RAP1GAP2: variants seen among roughly 807,000 people sequenced by gnomAD.
The protein encoded by RAP1GAP2 is rap1 GTPase-activating protein 2.
RAP1GAP2 carries 27 observed loss-of-function variants against 95.0 expected under a neutral mutation model. The observed-to-expected ratio is 0.28, with a 90% confidence interval of 0.21 to 0.39. RAP1GAP2 has a LOEUF of 0.39. Among genes scored for constraint, RAP1GAP2 ranks in the 10% least tolerant of loss-of-function variants. RAP1GAP2 has a pLI of 1.00. For synonymous variants in RAP1GAP2, 373 were observed against 380.9 expected (o/e 0.98, Z 0.24); for missense variants, 771 against 970.0 (o/e 0.79, Z 2.72).
At chr17:3,002,333 G>A (rs572579540) in intron 14 of RAP1GAP2, among the ~76,000 whole-genome samples, 22 of 152,174 alleles carry the variant, frequency 1.4e-4, no homozygotes, top group Non-Finnish European at 2.8e-4. Context: ...AGGGGGGCAG[G>A]GCTTCCCGGA....
upstream of RAP1GAP2, among the ~76,000 whole-genome samples, chr17:2,791,608 A>G (rs985563346): frequency 6.6e-6 from 1 of 152,116 alleles, no homozygotes; most frequent in Non-Finnish European, 1.5e-5. Flanking sequence ...CAGTGTTCCT[A>G]TCTGTAAAAT....
intron 1 of RAP1GAP2, among the ~76,000 whole-genome samples, chr17:2,787,109 C>T (rs1463109117): frequency 6.6e-6 from 1 of 151,906 alleles, no homozygotes; most frequent in Non-Finnish European, 1.5e-5. Flanking sequence ...TGCCACCATA[C>T]CTGGCTAGTT....
At chr17:2,885,778 C>G (rs117038191) in intron 2 of RAP1GAP2, among the ~76,000 whole-genome samples, 186 of 152,314 alleles carry the variant, frequency 1.2e-3, no homozygotes, top group Non-Finnish European at 2.0e-3. Context: ...TGAAGAGGGC[C>G]CCTTAATTCT....
intron 2 of RAP1GAP2, among the ~76,000 whole-genome samples, chr17:2,837,796 C>T (rs1027164795): frequency 5.3e-5 from 8 of 151,214 alleles, no homozygotes; most frequent in Non-Finnish European, 8.8e-5. Context: ...TTAGCTGAGA[C>T]GGGGTTTCGC....
rs138061699 is a variant in RAP1GAP2, at chr17:3,012,789, C to T, written c.1494+4644C>T. ...GGGAGTCTTGCGAGAACAGCTTTCA[C>T]GATGAAAGAGCTGTACGTTATGTTT... On this transcript the variant is annotated intron_variant, in intron 17 of 24. Transcript: ENST00000254695. Among the ~76,000 whole-genome samples the T allele has an allele frequency of 4.4e-4, 67 of 152,092 alleles. 2 individuals are homozygous for T. In the East Asian group the frequency reaches 0.012, roughly 27 times the overall value.
upstream of RAP1GAP2, among the ~76,000 whole-genome samples, chr17:2,773,740 T>C (rs2068441155): frequency 7.8e-6 from 1 of 128,120 alleles, no homozygotes; most frequent in African/African-American, 2.8e-5. Flanking sequence ...TATTTATTTA[T>C]TTATTTATTT....
chr17:2,768,132 CAGCA>C (rs1158025602), intron 1 of RAP1GAP2, among the ~76,000 whole-genome samples: 1 of 152,154 alleles, frequency 6.6e-6, no homozygotes, highest in Admixed American at 6.6e-5. Context: ...GACAATCCCA[CAGCA>C]AGCATTGTCC....
At position 2,765,196 on chromosome 17, in the gene RAP1GAP2, G is replaced by A. The variant is rs535515873; in HGVS notation, c.51-5133G>A. ...CTCAAAGCTGTCCTCATCCAGTACA[G>A]ATGGCTCCGCAGCCAGCCACCTGCA... On this transcript the variant is annotated intron_variant, in intron 1 of 25. Coordinates refer to the RAP1GAP2 transcript ENST00000637138. Among the ~76,000 whole-genome samples the A allele has an allele frequency of 1.9e-4, 29 of 152,282 alleles. No homozygotes were observed. In the South Asian group the frequency reaches 5.6e-3, roughly 29 times the overall value.
intron 1 of RAP1GAP2, among the ~76,000 whole-genome samples, chr17:2,798,536 G>A (rs1397809589): frequency 2.6e-5 from 4 of 152,020 alleles, no homozygotes; most frequent in African/African-American, 9.7e-5. Flanking sequence ...CGGATTCCTG[G>A]AGCCCTGGTC....
intron 3 of RAP1GAP2, among the ~76,000 whole-genome samples, chr17:2,921,363 G>A (rs928008569): frequency 1.3e-5 from 2 of 151,908 alleles, no homozygotes; most frequent in African/African-American, 2.4e-5. Context: ...CACCACACCC[G>A]GCTAACTTTT....
At position 3,005,318 on chromosome 17, in the gene RAP1GAP2, C is replaced by T; in HGVS notation, c.1201-51C>T. Reference sequence around the variant, plus strand: ...GTAAGGAGCGTGGCTCCCGTAGGGGCAGCGCTCGTCTCTTCCCTCCAGGTC... The same window carrying T: ...GTAAGGAGCGTGGCTCCCGTAGGGGTAGCGCTCGTCTCTTCCCTCCAGGTC... On this transcript the variant is annotated intron_variant, in intron 14 of 24. Coordinates refer to ENST00000254695, the MANE Select transcript of RAP1GAP2 (RefSeq NM_015085.5). This position sits in a 1 kb window ranked among gnomAD's most constrained non-coding sequence, Gnocchi z 5.2. The T allele has an allele frequency of 6.5e-7, 1 of 1,546,288 alleles. No individual in the cohort carries two copies. The highest frequency in any genetic ancestry group is 1.1e-5 in the South Asian group (1 of 89,748).
rs1035711396 is a variant in RAP1GAP2 at position 2,867,402 on chromosome 17, G to C, written c.81-37882G>C. ...TTCTTTCACCCCGTCTCTAGGCTGT[G>C]CCTTCCTTTGGGTTGCCTTCGTCCT... On this transcript the variant is annotated intron_variant, in intron 2 of 24. Coordinates refer to ENST00000254695, the MANE Select transcript of RAP1GAP2 (RefSeq NM_015085.5). This position sits in a 1 kb window ranked among gnomAD's most constrained non-coding sequence, Gnocchi z 4.5. Among the ~76,000 whole-genome samples, 2 of 152,204 alleles carry C rather than the reference G, an allele frequency of 1.3e-5. No homozygotes were observed. The highest frequency in any genetic ancestry group is 2.9e-5 in the Non-Finnish European group (2 of 68,030).
chr17:2,939,769 G>A (rs1477576603), intron 3 of RAP1GAP2, among the ~76,000 whole-genome samples: 1 of 152,226 alleles, frequency 6.6e-6, no homozygotes. Flanking sequence ...CTGGCGTGGG[G>A]CCTCTCCCTT....
Position 3,026,337 on chromosome 17 carries a change from C to A in RAP1GAP2, c.1866-13C>A. 6.5e-7 allele frequency: 1 copy of A among 1,545,678 alleles called. No homozygotes were observed. Among genetic ancestry groups the A allele is most frequent in the South Asian group, 1.2e-5 (1 of 83,862 alleles). On this transcript the variant is annotated splice_polypyrimidine_tract_variant and intron_variant, in intron 20 of 24. Transcript: ENST00000254695. The stretch of plus-strand genomic sequence containing the variant: ...GTGTGACCCGGGCTGGCCTCACTTC[C>A]TATTCCCTGCAGGCCCTTCATGAAG...
chr17:2,963,103 G>A lies in RAP1GAP2; in HGVS notation c.247-327G>A, dbSNP rs552631720. ...TTATCACTTGGAGGTCAGTCCGCCT[G>A]CCTGGAAAGGGGTGCTGGGGGAGAC... On this transcript the variant is annotated intron_variant, in intron 5 of 24. Coordinates refer to ENST00000254695, the MANE Select transcript of RAP1GAP2 (RefSeq NM_015085.5). The surrounding 1 kb of genome is among the most constrained non-coding windows in gnomAD (Gnocchi z 4.8). 1 of 540,674 alleles carries A rather than the reference G, an allele frequency of 1.8e-6. No homozygotes were observed. Among genetic ancestry groups the A allele is most frequent in the Non-Finnish European group, 3.3e-6 (1 of 303,702 alleles). 33.5% of individuals were successfully genotyped at this position (540,674 alleles called of 1,614,324 possible).
intron 18 of RAP1GAP2, 39 bp downstream of exon 18, chr17:3,018,237 A>G: frequency 6.5e-7 from 1 of 1,530,234 alleles, no homozygotes; most frequent in Non-Finnish European, 8.8e-7. Flanking sequence ...AGTGGGTCCC[A>G]GGGAGGCCCC....
chr17:2,852,795 A>T (rs1349260285), intron 2 of RAP1GAP2, among the ~76,000 whole-genome samples: 2 of 151,978 alleles, frequency 1.3e-5, no homozygotes, highest in Non-Finnish European at 2.9e-5. Flanking sequence ...CAGCACCTGG[A>T]AGTGGATGAG....
In RAP1GAP2 at chr17:2,833,689, CAAAAAAAA is replaced by C. The variant is rs112909808; in HGVS notation, c.80+33154_80+33161del. Among the ~76,000 whole-genome samples the C allele has an allele frequency of 5.1e-3, 274 of 53,690 alleles. 1 individual carries two copies. The highest frequency in any genetic ancestry group is 0.015 in the African/African-American group (251 of 16,842). 35.2% of individuals were successfully genotyped at this position (53,690 alleles called of 152,430 possible). A position where few individuals can be genotyped will look rare whatever the true frequency, so the allele number is the denominator to read the frequency against. On this transcript the variant is annotated intron_variant, in intron 2 of 24. Coordinates refer to ENST00000254695, the MANE Select transcript of RAP1GAP2 (RefSeq NM_015085.5). ...TGGGAGACACAGCGAGACTCCGTCT[CAAAAAAAA>C]AAAAAAAAAAAAAAGAAAAGTGCCA...
rs1296195306 is a variant in RAP1GAP2, at chr17:2,777,944, AGGAGGCTGGGAGGCTG to A, written c.-14+673_-14+688del. On this transcript the variant is annotated intron_variant, in intron 1 of 24. Coordinates refer to the RAP1GAP2 transcript ENST00000540393. ...GGAGTAAACAGCTTGCACAGCTGCC[AGGAGGCTGGGAGGCTG>A]GGAGGCGGGGAGGCTGGGAGGCTGG... Among the ~76,000 whole-genome samples the A allele has an allele frequency of 1.2e-3, 135 of 115,702 alleles. 7 individuals are homozygous for A. In the East Asian group the frequency reaches 0.012, roughly 10 times the overall value. 75.9% of individuals were successfully genotyped at this position (115,702 alleles called of 152,430 possible). A position where few individuals can be genotyped will look rare whatever the true frequency, so the allele number is the denominator to read the frequency against.
Sources: allele counts gnomAD v4.1 joint callset (sites outside exome capture counted in the v4.1 genomes callset), GRCh38; gene constraint gnomAD v4.1.1; non-coding constraint Gnocchi (gnomAD v3.1); transcripts MANE v1.5; gene names NCBI Gene and HGNC (gene_info 2026-07-23, HGNC 2026-07-21).